RGL1: variants seen among roughly 807,000 people sequenced by gnomAD.
RGL1 encodes ral guanine nucleotide dissociation stimulator like 1.
Under a neutral mutation model 95.2 loss-of-function variants are expected in RGL1, and 24 were observed. That is an observed-to-expected ratio of 0.25 (90% CI 0.18 to 0.35). RGL1 has a LOEUF of 0.35. RGL1 is among the 10% of genes least tolerant of loss of function. The pLI is 1.00. For synonymous variants in RGL1, 329 were observed against 344.9 expected (o/e 0.95, Z 0.51); for missense variants, 715 against 936.3 (o/e 0.76, Z 3.08).
intron 3 of RGL1, among the ~76,000 whole-genome samples, chr1:183,858,720 AT>A (rs1405596849): frequency 6.6e-6 from 1 of 152,058 alleles, no homozygotes; most frequent in Non-Finnish European, 1.5e-5. Flanking sequence ...TTAGCCCTTG[AT>A]AATGCTGTCA....
chr1:183,879,585 T>C (rs939481671), intron 4 of RGL1, among the ~76,000 whole-genome samples: 1 of 152,252 alleles, frequency 6.6e-6, no homozygotes, highest in South Asian at 2.1e-4. Context: ...GATTAATGTA[T>C]AGTCCCTGTC....
chr1:183,793,142 A>G (rs556539097), intron 2 of RGL1, among the ~76,000 whole-genome samples: 1 of 152,296 alleles, frequency 6.6e-6, no homozygotes, highest in Admixed American at 6.5e-5. Context: ...CCTTGTCCCT[A>G]CAGCCAACTG....
chr1:183,804,855 G>A (rs951903232), upstream of RGL1, among the ~76,000 whole-genome samples: 1 of 152,180 alleles, frequency 6.6e-6, no homozygotes, highest in Non-Finnish European at 1.5e-5. Context: ...TTGTTTTAGC[G>A]AAGGAAGAAG....
chr1:183,900,481 A>G (rs1667951077), intron 11 of RGL1, among the ~76,000 whole-genome samples: 1 of 152,184 alleles, frequency 6.6e-6, no homozygotes, highest in Non-Finnish European at 1.5e-5. Context: ...AAACAAATGC[A>G]TTGAGAGAAC....
At chr1:183,785,872 G>T (rs1381997367) in intron 2 of RGL1, among the ~76,000 whole-genome samples, 2 of 152,032 alleles carry the variant, frequency 1.3e-5, no homozygotes, top group Non-Finnish European at 2.9e-5. Context: ...ATCTCTGGAG[G>T]CCAGGAGTTT....
At chr1:183,821,826 A>G (rs1215120453) in intron 2 of RGL1, among the ~76,000 whole-genome samples, 1 of 152,190 alleles carries the variant, frequency 6.6e-6, no homozygotes, top group East Asian at 1.9e-4. Context: ...AAATGGTCTC[A>G]TGAGTGGTGA....
At chr1:183,750,061 A>G (rs1657896410) in intron 2 of RGL1, among the ~76,000 whole-genome samples, 2 of 152,138 alleles carry the variant, frequency 1.3e-5, no homozygotes, top group African/African-American at 4.8e-5. Context: ...CTTGAGGAGC[A>G]TCTTAGTGGT....
intron 1 of RGL1, among the ~76,000 whole-genome samples, chr1:183,687,899 A>G (rs1385638013): frequency 6.6e-6 from 1 of 152,186 alleles, no homozygotes; most frequent in Non-Finnish European, 1.5e-5. Flanking sequence ...AATGGAAAAC[A>G]AAGTGAGGGA....
chr1:183,874,469 T>A (rs1386233208), intron 4 of RGL1, among the ~76,000 whole-genome samples: 1 of 152,132 alleles, frequency 6.6e-6, no homozygotes, highest in Non-Finnish European at 1.5e-5. Flanking sequence ...TCTGTATGTC[T>A]TCCTTTCATA....
At chr1:183,897,755 T>G in intron 9 of RGL1, 53 bp from the exon 10 acceptor site, 1 of 1,356,254 alleles carries the variant, frequency 7.4e-7, no homozygotes, top group Non-Finnish European at 1.1e-6. Context: ...CTTTACTTCT[T>G]ACCATTGTGG....
intron 2 of RGL1, among the ~76,000 whole-genome samples, chr1:183,839,436 A>G (rs577717546): frequency 7.2e-5 from 11 of 152,180 alleles, no homozygotes; most frequent in African/African-American, 1.4e-4. Context: ...TCTACATCCA[A>G]TTGATCAGAA....
intron 2 of RGL1, among the ~76,000 whole-genome samples, chr1:183,842,477 A>G (rs997423700): frequency 6.6e-6 from 1 of 152,134 alleles, no homozygotes; most frequent in Non-Finnish European, 1.5e-5. Context: ...TCTCCGTCTC[A>G]TGCCAAAATC....
intron 1 of RGL1, among the ~76,000 whole-genome samples, chr1:183,638,367 T>G (rs1050494423): frequency 4.6e-5 from 7 of 152,202 alleles, no homozygotes; most frequent in African/African-American, 1.7e-4. Flanking sequence ...TGTCTCACAA[T>G]GATCTAAGTG....
intron 1 of RGL1, among the ~76,000 whole-genome samples, chr1:183,720,166 A>G (rs1328382774): frequency 6.6e-6 from 1 of 152,222 alleles, no homozygotes; most frequent in Non-Finnish European, 1.5e-5. Flanking sequence ...TGTGAAATGA[A>G]GTAAAGGAAA....
intron 2 of RGL1, among the ~76,000 whole-genome samples, chr1:183,791,427 C>A (rs1660436919): frequency 6.6e-6 from 1 of 151,878 alleles, no homozygotes; most frequent in South Asian, 2.1e-4. Context: ...ATATGTTTTT[C>A]TTTTCTTTCC....
intron 2 of RGL1, among the ~76,000 whole-genome samples, chr1:183,755,762 T>A (rs1449627806): frequency 6.6e-6 from 1 of 152,190 alleles, no homozygotes; most frequent in African/African-American, 2.4e-5. Context: ...CAGTGTGCTG[T>A]AATAAGTGTC....
intron 1 of RGL1, among the ~76,000 whole-genome samples, chr1:183,699,054 A>G (rs1654430319): frequency 6.6e-6 from 1 of 152,270 alleles, no homozygotes; most frequent in African/African-American, 2.4e-5. Context: ...TGTCTTATTC[A>G]TCACATATGT....
At chr1:183,748,727 G>T (rs769928692) in intron 2 of RGL1, among the ~76,000 whole-genome samples, 1 of 152,052 alleles carries the variant, frequency 6.6e-6, no homozygotes, top group Non-Finnish European at 1.5e-5. Flanking sequence ...GTTGATTTTA[G>T]ATCTTTCCTG....
chr1:183,641,161 A>C (rs1379852612), intron 1 of RGL1, among the ~76,000 whole-genome samples: 1 of 152,088 alleles, frequency 6.6e-6, no homozygotes, highest in South Asian at 2.1e-4. Flanking sequence ...TTGCCACAAG[A>C]TCTCACTCTG....
Sources: allele counts gnomAD v4.1 joint callset (sites outside exome capture counted in the v4.1 genomes callset), GRCh38; gene constraint gnomAD v4.1.1; transcripts MANE v1.5; gene names NCBI Gene and HGNC (gene_info 2026-07-23, HGNC 2026-07-21).